Variants in SCARA5 observed in about 807,000 individuals in gnomAD.
SCARA5 encodes the protein scavenger receptor class A, member 5 (putative).
Under a neutral mutation model 46.3 loss-of-function variants are expected in SCARA5, and 45 were observed. The ratio of observed to expected loss-of-function variants is 0.97; its 90% CI spans 0.76 to 1.24. SCARA5 has a LOEUF of 1.24. Among genes scored for constraint, SCARA5 ranks in the 50% most tolerant of loss-of-function variants. The pLI is 0.00. For synonymous variants in SCARA5, 333 were observed against 306.5 expected (o/e 1.09, Z -0.90); for missense variants, 680 against 689.0 (o/e 0.99, Z 0.15).
At position 27,921,563 on chromosome 8, in the gene SCARA5, G is replaced by A. The variant is rs1807584171; in HGVS notation, c.916+8C>T. ...CCGTGGGTGGAGGCAGCAAGGGCCT[G>A]GCGGTACCTTTCGCGAGGGAGATGT... On this transcript the variant is annotated splice_region_variant and intron_variant, in intron 4 of 8. Coordinates refer to ENST00000354914, the MANE Select transcript of SCARA5 (RefSeq NM_173833.6). 1.9e-6 allele frequency: 3 copies of A among 1,543,398 alleles called. No individual in the cohort carries two copies. The highest frequency in any genetic ancestry group is 2.6e-6 in the Non-Finnish European group (3 of 1,140,516).
chr8:27,874,065 C>A (rs534364527), intron 8 of SCARA5, among the ~76,000 whole-genome samples: 21 of 152,252 alleles, frequency 1.4e-4, no homozygotes, highest in South Asian at 2.1e-4. Context: ...CAGCAAAAAA[C>A]CAAATTATTG....
chr8:27,887,465 C>T (rs1238214407), intron 7 of SCARA5, among the ~76,000 whole-genome samples: 1 of 152,174 alleles, frequency 6.6e-6, no homozygotes, highest in African/African-American at 2.4e-5. Flanking sequence ...TCCCTACCAG[C>T]TCTGTGCAGG....
At chr8:27,931,787 T>C (rs1807777322) in intron 3 of SCARA5, among the ~76,000 whole-genome samples, 1 of 151,890 alleles carries the variant, frequency 6.6e-6, no homozygotes, top group African/African-American at 2.4e-5. Context: ...CCAGAGTAGC[T>C]GGGACTACAT....
At chr8:27,889,083 CCA>C (rs1806941343) in intron 7 of SCARA5, among the ~76,000 whole-genome samples, 1 of 133,062 alleles carries the variant, frequency 7.5e-6, no homozygotes, top group African/African-American at 2.8e-5. Flanking sequence ...GGGACCAACC[CCA>C]TGGTCCTCAG....
chr8:27,893,966 G>A (rs916251905), intron 7 of SCARA5, among the ~76,000 whole-genome samples: 1 of 152,220 alleles, frequency 6.6e-6, no homozygotes, highest in African/African-American at 2.4e-5. Context: ...GCTATCTACT[G>A]CCAGCAGGGC....
intron 3 of SCARA5, 130 bp downstream of exon 3, chr8:27,966,277 GCTTCTTC>G: frequency 4.7e-5 from 42 of 888,918 alleles, no homozygotes; most frequent in Non-Finnish European, 6.6e-5. Context: ...CTACTGAAGA[GCTTCTTC>G]CTTCTTCCTC....
intron 4 of SCARA5, among the ~76,000 whole-genome samples, chr8:27,913,908 A>G (rs764359734): frequency 8.5e-5 from 13 of 152,164 alleles, no homozygotes; most frequent in Non-Finnish European, 1.8e-4. Context: ...GTCCCTGAAC[A>G]TTAGCCAAAT....
intron 5 of SCARA5, among the ~76,000 whole-genome samples, chr8:27,908,549 A>C (rs935726064): frequency 6.6e-6 from 1 of 152,176 alleles, no homozygotes; most frequent in African/African-American, 2.4e-5. Flanking sequence ...TCTCCCAGTA[A>C]TGAATTACTC....
chr8:27,879,753 G>T lies in SCARA5; in HGVS notation c.1167C>A (p.Ala389=). 1 of 1,612,888 alleles carries T rather than the reference G, an allele frequency of 6.2e-7. No individual in the cohort carries two copies. The change falls in exon 8 of 9, where the codon GCC becomes GCA. Residue 389 remains alanine, a synonymous_variant. Transcript: ENST00000354914. ...CATTCACCAGGCGGATCATCATCGG[G>T]GCCTCCACGCCACCTGCCGGAGCAG... ...DRAGDASGVE[A]PMMIRLVNGS...
chr8:27,922,241 G>T lies in SCARA5; in HGVS notation c.246C>A (p.Ser82=). ...ILVGIFILAV[S]RPRSSPDDLK... Reference sequence around the variant, plus strand: ...GGTCGTCAGGGGAGCTGCGCGGCCTGGACACTGCGGAGGAGGAAGAGGGGA... The same window carrying T: ...GGTCGTCAGGGGAGCTGCGCGGCCTTGACACTGCGGAGGAGGAAGAGGGGA... The change falls in exon 4 of 9, where the codon TCC becomes TCA. Residue 82 remains serine (S), a synonymous_variant. Coordinates refer to ENST00000354914, the MANE Select transcript of SCARA5 (RefSeq NM_173833.6). The T allele has an allele frequency of 6.5e-7, 1 of 1,544,662 alleles. No homozygotes were observed. Among genetic ancestry groups the T allele is most frequent in the South Asian group, 1.3e-5 (1 of 79,844 alleles).
intron 8 of SCARA5, among the ~76,000 whole-genome samples, chr8:27,877,320 G>C (rs1454767294): frequency 1.3e-5 from 2 of 152,120 alleles, no homozygotes; most frequent in Non-Finnish European, 2.9e-5. Flanking sequence ...CAAAAAAATA[G>C]GGCATTCGTG....
chr8:27,936,359 C>T (rs901606004), intron 3 of SCARA5, among the ~76,000 whole-genome samples: 6 of 151,906 alleles, frequency 3.9e-5, no homozygotes, highest in African/African-American at 1.5e-4. Context: ...AAGGATGAAG[C>T]AGGCAGATCA....
At chr8:27,980,045 G>T (rs1247412966) in intron 2 of SCARA5, among the ~76,000 whole-genome samples, 1 of 152,208 alleles carries the variant, frequency 6.6e-6, no homozygotes, top group Non-Finnish European at 1.5e-5. Context: ...ACTTGAGCCA[G>T]CCTTGTGCTG....
chr8:27,931,454 C>G (rs1294001246), intron 3 of SCARA5, among the ~76,000 whole-genome samples: 3 of 152,096 alleles, frequency 2.0e-5, no homozygotes, highest in East Asian at 1.9e-4. Context: ...GTGCCTCACC[C>G]CTCCTCTCTA....
intron 1 of SCARA5, 43 bp from the exon 2 acceptor site, chr8:27,987,673 G>A (rs888229684): frequency 2.7e-5 from 31 of 1,164,332 alleles, no homozygotes; most frequent in Non-Finnish European, 3.1e-5. Context: ...GACGAAGGCC[G>A]GGAGAGAGAC....
intron 2 of SCARA5, among the ~76,000 whole-genome samples, chr8:27,986,782 C>T (rs928406912): frequency 3.3e-5 from 5 of 152,192 alleles, no homozygotes; most frequent in Admixed American, 6.5e-5. Flanking sequence ...TCTCCTTGGC[C>T]GGAAGTCTTT....
intron 3 of SCARA5, among the ~76,000 whole-genome samples, chr8:27,924,321 T>A (rs1034343386): frequency 3.9e-5 from 6 of 152,236 alleles, no homozygotes; most frequent in Non-Finnish European, 8.8e-5. Context: ...GAATAAGTTC[T>A]CATCCAGAAC....
chr8:27,986,177 C>T (rs1388672864), intron 2 of SCARA5, among the ~76,000 whole-genome samples: 2 of 152,212 alleles, frequency 1.3e-5, no homozygotes, highest in African/African-American at 2.4e-5. Flanking sequence ...GGGACCAGAA[C>T]CCCAGGCCTT....
At chr8:27,975,976 T>C (rs1371003108) in intron 2 of SCARA5, among the ~76,000 whole-genome samples, 2 of 152,236 alleles carry the variant, frequency 1.3e-5, no homozygotes, top group Non-Finnish European at 2.9e-5. Flanking sequence ...CTCCATCTTG[T>C]CACTTTCATA....
Sources: allele counts gnomAD v4.1 joint callset (sites outside exome capture counted in the v4.1 genomes callset), GRCh38; gene constraint gnomAD v4.1.1; transcripts MANE v1.5; gene names NCBI Gene and HGNC (gene_info 2026-07-23, HGNC 2026-07-21).